CD99: variants seen among roughly 807,000 people sequenced by gnomAD.
The protein encoded by CD99 is CD99 molecule (Xg blood group), also known as CD99 antigen.
CD99 carries 19 observed loss-of-function variants against 28.4 expected under a neutral mutation model. The observed-to-expected ratio is 0.67, with a 90% CI of 0.47 to 0.98. The LOEUF (loss-of-function observed/expected upper bound fraction) is 0.98, where lower values mean the gene tolerates loss of function less well. CD99 is among the 50% of genes least tolerant of loss of function. The probability of loss-of-function intolerance (pLI) is 0.00; values close to 1 mark genes in which losing one functional copy is unlikely to be tolerated. For synonymous variants in CD99, 103 were observed against 92.1 expected (o/e 1.12, Z -0.67); for missense variants, 283 against 248.8 (o/e 1.14, Z -0.92).
intron 8 of CD99, among the ~76,000 whole-genome samples, chrX:2,736,194 T>A (rs1488564216): frequency 2.1e-5 from 3 of 141,880 alleles, no homozygotes; most frequent in African/African-American, 5.3e-5. Context: ...AGAGCAAGAC[T>A]CTGTCTCAAA....
chrX:2,710,996 G>C (rs1442854407), intron 1 of CD99, among the ~76,000 whole-genome samples: 1 of 148,850 alleles, frequency 6.7e-6, no homozygotes, highest in Non-Finnish European at 1.5e-5. Context: ...TCAGCCTCCT[G>C]AGTAGCTGGG....
intron 9 of CD99, 132 bp from the exon 10 acceptor site, chrX:2,740,647 C>T: frequency 1.4e-6 from 1 of 738,968 alleles, no homozygotes; most frequent in Non-Finnish European, 2.3e-6. Flanking sequence ...GTTTTGCTTT[C>T]TCGTGATGAG....
intron 9 of CD99, among the ~76,000 whole-genome samples, chrX:2,739,816 C>A (rs28408128): frequency 2.7e-5 from 4 of 149,808 alleles, no homozygotes; most frequent in East Asian, 2.1e-4. Flanking sequence ...TGGCTAATGC[C>A]TGTAGTCCCA....
At position 2,726,373 on chromosome X, in the gene CD99, G is replaced by C. The variant is rs1047622036; in HGVS notation, c.475G>C (p.Ala159Pro). ...QKKKLCFKENAEQGEVDMESH... is the reference protein window; with the variant it reads ...QKKKLCFKENPEQGEVDMESH... ...AAAGAAGCTATGCTTCAAAGAAAATGGTAAGTCTCAGTCCGCCGGTGCCTC... is the reference window on the plus strand; with the variant it reads ...AAAGAAGCTATGCTTCAAAGAAAATCGTAAGTCTCAGTCCGCCGGTGCCTC... Residue 159 changes from alanine to proline, a missense_variant and splice_region_variant, in exon 8 of 10, where the codon GCA (alanine) becomes CCA (proline). Coordinates refer to ENST00000381192, the MANE Select transcript of CD99 (RefSeq NM_002414.5). The C allele has an allele frequency of 4.2e-5, 67 of 1,587,860 alleles. No homozygotes were observed. Among genetic ancestry groups the C allele is most frequent in the Non-Finnish European group, 5.5e-5 (64 of 1,157,332 alleles).
rs754285129 is a variant in CD99 at position 2,697,593 on chromosome X, C to T, written c.67+6166C>T. 3.3e-5 allele frequency among the ~76,000 whole-genome samples: 5 copies of T among 152,184 alleles called. No individual in the cohort carries two copies. In the East Asian group the frequency reaches 7.7e-4, roughly 24 times the overall value. On this transcript the variant is annotated intron_variant, in intron 1 of 9. Coordinates refer to ENST00000381192, the MANE Select transcript of CD99 (RefSeq NM_002414.5). Reference sequence around the variant, plus strand: ...GGGGATGCTGACCAGAAGGAGCTTTCGTTTCTGCACGATGGACTGGAACAC... The same window carrying T: ...GGGGATGCTGACCAGAAGGAGCTTTTGTTTCTGCACGATGGACTGGAACAC...
chrX:2,699,779 C>T (rs1316044628), intron 1 of CD99, among the ~76,000 whole-genome samples: 2 of 152,162 alleles, frequency 1.3e-5, no homozygotes, highest in East Asian at 3.8e-4. Flanking sequence ...TAAAAAGCCC[C>T]TCGGAGGGTC....
chrX:2,709,467 A>G (rs1210456162), intron 1 of CD99, among the ~76,000 whole-genome samples: 1 of 152,266 alleles, frequency 6.6e-6, no homozygotes, highest in Non-Finnish European at 1.5e-5. Flanking sequence ...TTGTGCACAT[A>G]TACACATGCA....
chrX:2,716,416 A>T (rs2048722021), intron 2 of CD99, among the ~76,000 whole-genome samples: 3 of 152,012 alleles, frequency 2.0e-5, no homozygotes, highest in African/African-American at 7.3e-5. Context: ...GGCTCACTGC[A>T]GCCTTGACCG....
rs187534910 is a variant in CD99 at position 2,699,962 on chromosome X, T to C, written c.67+8535T>C. ...TTTCATCTTCAGCGAGCCCTTAAGATATTTCTCATGGGCCTTTTGTAGATA... is the reference window on the plus strand; with the variant it reads ...TTTCATCTTCAGCGAGCCCTTAAGACATTTCTCATGGGCCTTTTGTAGATA... On this transcript the variant is annotated intron_variant, in intron 1 of 9. Coordinates refer to ENST00000381192, the MANE Select transcript of CD99 (RefSeq NM_002414.5). Among the ~76,000 whole-genome samples the C allele has an allele frequency of 2.0e-5, 3 of 152,354 alleles. No individual in the cohort carries two copies. In the East Asian group the frequency reaches 5.8e-4, roughly 29 times the overall value.
chrX:2,699,837 T>A (rs1262907715), intron 1 of CD99, among the ~76,000 whole-genome samples: 10 of 152,224 alleles, frequency 6.6e-5, no homozygotes, highest in African/African-American at 2.4e-4. Flanking sequence ...TTACTAGATA[T>A]TCTGTTTCTT....
intron 1 of CD99, among the ~76,000 whole-genome samples, chrX:2,705,438 G>A (rs186334347): frequency 2.2e-4 from 33 of 152,234 alleles, no homozygotes; most frequent in East Asian, 9.6e-4. Context: ...AGATCTCAGC[G>A]CCAGATTTTT....
intron 8 of CD99, among the ~76,000 whole-genome samples, chrX:2,731,454 G>T (rs2049602210): frequency 6.6e-6 from 1 of 152,206 alleles, no homozygotes; most frequent in Non-Finnish European, 1.5e-5. Flanking sequence ...GCCAGGCATG[G>T]TGGTGCACAC....
intron 1 of CD99, among the ~76,000 whole-genome samples, chrX:2,705,545 T>C (rs1207958665): frequency 6.6e-6 from 1 of 152,188 alleles, no homozygotes; most frequent in Non-Finnish European, 1.5e-5. Context: ...CATGGTGAGA[T>C]GGATTTAAAT....
At chrX:2,693,960 A>G (rs1386491275) in intron 1 of CD99, among the ~76,000 whole-genome samples, 1 of 152,204 alleles carries the variant, frequency 6.6e-6, no homozygotes, top group Non-Finnish European at 1.5e-5. Flanking sequence ...GACGGCCTCC[A>G]GCACAAAGAA....
Position 2,719,690 on chromosome X carries a change from G to A in CD99, c.178G>A (p.Val60Ile), listed in dbSNP as rs762739181. The part of the protein sequence containing the change: ...GDDFDLGDAV[V>I]DGENDDPRPP... The stretch of plus-strand genomic sequence containing the variant: ...TGACTTTGACTTAGGAGATGCTGTT[G>A]TTGATGGAGAAAATGGTGAGTATTT... The change falls in exon 4 of 10, where the codon GTT becomes ATT. Residue 60 changes from valine (V) to isoleucine (I), a missense_variant. Coordinates refer to ENST00000381192, the MANE Select transcript of CD99 (RefSeq NM_002414.5). 1.4e-5 allele frequency: 23 copies of A among 1,613,812 alleles called. No homozygotes were observed. The South Asian group carries it at 2.2e-4, about 15-fold the overall frequency.
chrX:2,733,293 C>T, intron 8 of CD99: 1 of 1,524,034 alleles, frequency 6.6e-7, no homozygotes, highest in Non-Finnish European at 8.9e-7. Flanking sequence ...ACAGCAAAAG[C>T]AGACCCAGCA....
rs73630846 is a variant in CD99 at position 2,741,164 on chromosome X, A to G, written c.*360A>G. 1 of 305,240 alleles carries G rather than the reference A, an allele frequency of 3.3e-6. No individual in the cohort carries two copies. Among genetic ancestry groups the G allele is most frequent in the Non-Finnish European group, 6.0e-6 (1 of 165,810 alleles). The allele number at this position is 305,240 out of a possible 1,614,324, so 18.9% of individuals were successfully genotyped here. On this transcript the variant is annotated 3_prime_UTR_variant, in exon 10 of 10. Coordinates refer to ENST00000381192, the MANE Select transcript of CD99 (RefSeq NM_002414.5). ...TTGGCTGTTTACAAATCACGTGTCC[A>G]TCGAGCACGTCTGAAACCCCTGGTA...
chrX:2,722,698 T>A, intron 6 of CD99, 24 bp downstream of exon 6: 6 of 1,612,516 alleles, frequency 3.7e-6, no homozygotes, highest in Non-Finnish European at 5.1e-6. Context: ...GTTTTCTGTC[T>A]CTTTTCTCTC....
chrX:2,740,751 G>T, intron 9 of CD99, 28 bp from the exon 10 acceptor site: 2 of 1,613,366 alleles, frequency 1.2e-6, no homozygotes, highest in South Asian at 2.2e-5. Context: ...ACCTGGGAAT[G>T]ACTTTCTTTT....
Sources: allele counts gnomAD v4.1 joint callset (sites outside exome capture counted in the v4.1 genomes callset), GRCh38; gene constraint gnomAD v4.1.1; transcripts MANE v1.5; gene names NCBI Gene and HGNC (gene_info 2026-07-23, HGNC 2026-07-21).